Variants in KPNA4 observed in about 807,000 individuals in gnomAD.
KPNA4 encodes the protein karyopherin subunit alpha 4.
KPNA4 carries 13 observed loss-of-function variants against 71.3 expected under a neutral mutation model. The ratio of observed to expected loss-of-function variants is 0.18; its 90% CI spans 0.12 to 0.29. The LOEUF (loss-of-function observed/expected upper bound fraction) is 0.29, where lower values mean the gene tolerates loss of function less well. Ranked by LOEUF, KPNA4 falls within the 10% of genes least tolerant of loss-of-function variation. KPNA4 has a pLI of 1.00. For synonymous variants in KPNA4, 189 were observed against 195.2 expected (o/e 0.97, Z 0.26); for missense variants, 334 against 603.2 (o/e 0.55, Z 4.67).
rs1309247851 is a variant in KPNA4 at position 160,498,562 on chromosome 3, G to T, written c.*3542C>A. 1 of 152,260 alleles carries T rather than the reference G, an allele frequency of 6.6e-6. No homozygotes were observed. Among genetic ancestry groups the T allele is most frequent in the Non-Finnish European group, 1.5e-5 (1 of 68,076 alleles). 9.4% of individuals were successfully genotyped at this position (152,260 alleles called of 1,614,324 possible). On this transcript the variant is annotated 3_prime_UTR_variant, in exon 17 of 17. Transcript: ENST00000334256. ...TTGGCTTTGGGTTAATCAAAAGGGA[G>T]ATCACCCTGGTGGGTAGGTGGCCTG...
intron 13 of KPNA4, among the ~76,000 whole-genome samples, chr3:160,512,818 A>C (rs547646549): frequency 6.6e-6 from 1 of 151,950 alleles, no homozygotes; most frequent in African/African-American, 2.4e-5. Context: ...GGTGACAGCG[A>C]GACCGTCTAA....
At chr3:160,524,850 TA>T (rs939838518) in intron 10 of KPNA4, among the ~76,000 whole-genome samples, 55 of 152,238 alleles carry the variant, frequency 3.6e-4, no homozygotes, top group African/African-American at 1.3e-3. Context: ...AGTAAAATTC[TA>T]ATTTTAATTT....
At chr3:160,523,613 G>A (rs1420942720) in intron 10 of KPNA4, among the ~76,000 whole-genome samples, 1 of 152,082 alleles carries the variant, frequency 6.6e-6, no homozygotes, top group Non-Finnish European at 1.5e-5. Flanking sequence ...ACTTTGGGGG[G>A]CCAAGGTGGG....
chr3:160,554,233 A>AG (rs1381180441), intron 1 of KPNA4, among the ~76,000 whole-genome samples: 1 of 152,212 alleles, frequency 6.6e-6, no homozygotes, highest in Non-Finnish European at 1.5e-5. Flanking sequence ...CATACCATAT[A>AG]GTTCACCCAT....
intron 13 of KPNA4, among the ~76,000 whole-genome samples, chr3:160,513,494 G>C (rs1182306770): frequency 6.6e-6 from 1 of 151,822 alleles, no homozygotes; most frequent in African/African-American, 2.4e-5. Context: ...TGAACTCCTG[G>C]GCTCAAGTGA....
chr3:160,500,910 A>T lies in KPNA4; in HGVS notation c.*1194T>A, dbSNP rs998752838. 6.6e-6 allele frequency: 1 copy of T among 152,644 alleles called. No individual in the cohort carries two copies. Among genetic ancestry groups the T allele is most frequent in the Non-Finnish European group, 1.5e-5 (1 of 68,036 alleles). The allele number at this position is 152,644 out of a possible 1,614,324, so 9.5% of individuals were successfully genotyped here. Reference sequence around the variant, plus strand: ...ACATTTAAACACAGCACGGTATTCTACCACAACTGAAACTTTTTTCTTCTT... The same window carrying T: ...ACATTTAAACACAGCACGGTATTCTTCCACAACTGAAACTTTTTTCTTCTT... On this transcript the variant is annotated 3_prime_UTR_variant, in exon 17 of 17. Coordinates refer to ENST00000334256, the MANE Select transcript of KPNA4 (RefSeq NM_002268.5).
In KPNA4 at chr3:160,559,291, A is replaced by T. The variant is rs968243442; in HGVS notation, c.69+5923T>A. Among the ~76,000 whole-genome samples the T allele has an allele frequency of 2.6e-5, 4 of 152,180 alleles. No individual in the cohort carries two copies. In the East Asian group the frequency reaches 7.7e-4, roughly 29 times the overall value. On this transcript the variant is annotated intron_variant, in intron 1 of 16. Transcript: ENST00000334256. Reference sequence around the variant, plus strand: ...AGAGGCATGGTAAAAAAAGAAAAAAAAATTGAGCTTCCCAGAGAAAGTTAG... The same window carrying T: ...AGAGGCATGGTAAAAAAAGAAAAAATAATTGAGCTTCCCAGAGAAAGTTAG...
intron 1 of KPNA4, among the ~76,000 whole-genome samples, chr3:160,556,084 T>C (rs1328556261): frequency 6.6e-6 from 1 of 152,228 alleles, no homozygotes; most frequent in Non-Finnish European, 1.5e-5. Flanking sequence ...CGGCCCGCCT[T>C]GGCCTCCCAA....
intron 1 of KPNA4, among the ~76,000 whole-genome samples, chr3:160,540,285 C>G (rs1275423979): frequency 6.6e-6 from 1 of 152,120 alleles, no homozygotes; most frequent in African/African-American, 2.4e-5. Context: ...AAGCGTGAGC[C>G]ACCGCGCCTG....
At chr3:160,540,001 T>TTC (rs1293959203) in intron 1 of KPNA4, among the ~76,000 whole-genome samples, 1 of 147,902 alleles carries the variant, frequency 6.8e-6, no homozygotes, top group Non-Finnish European at 1.5e-5. Flanking sequence ...TTCTTTTCTT[T>TTC]TTTTTTTTTT....
intron 11 of KPNA4, among the ~76,000 whole-genome samples, chr3:160,517,876 C>T (rs1021979561): frequency 2.0e-5 from 3 of 152,192 alleles, no homozygotes; most frequent in African/African-American, 7.2e-5. Context: ...TTTGCCAATA[C>T]ATAATTTTCT....
chr3:160,551,944 G>C (rs561478525), intron 1 of KPNA4, among the ~76,000 whole-genome samples: 4 of 145,082 alleles, frequency 2.8e-5, no homozygotes, highest in South Asian at 2.4e-4. Context: ...ACAACTGGGG[G>C]GGGGGGGGTG....
At chr3:160,552,005 C>T (rs1722050810) in intron 1 of KPNA4, among the ~76,000 whole-genome samples, 2 of 149,018 alleles carry the variant, frequency 1.3e-5, no homozygotes, top group Admixed American at 1.4e-4. Flanking sequence ...GCTAAACATC[C>T]TACAGTGTAC....
chr3:160,552,133 A>G (rs1010884549), intron 1 of KPNA4, among the ~76,000 whole-genome samples: 3 of 152,180 alleles, frequency 2.0e-5, no homozygotes, highest in African/African-American at 7.2e-5. Flanking sequence ...TTAAGTTCAA[A>G]TATGTTTGGA....
chr3:160,534,275 A>G (rs1359192469), intron 5 of KPNA4, among the ~76,000 whole-genome samples: 3 of 152,210 alleles, frequency 2.0e-5, no homozygotes, highest in Non-Finnish European at 4.4e-5. Flanking sequence ...ATAGGGTGTT[A>G]TTCTTATATT....
chr3:160,561,551 TTAACA>T (rs1268443740), intron 1 of KPNA4, among the ~76,000 whole-genome samples: 35 of 152,034 alleles, frequency 2.3e-4, no homozygotes, highest in Admixed American at 1.9e-3. Flanking sequence ...TTCAAGAAAC[TTAACA>T]TGACCACATT....
intron 7 of KPNA4, 151 bp from the exon 8 acceptor site, chr3:160,528,190 A>G (rs1031803747): frequency 1.1e-5 from 6 of 527,510 alleles, no homozygotes; most frequent in South Asian, 5.0e-5. Context: ...TTGGAATAGC[A>G]TCATTGGAAG....
chr3:160,540,246 G>A (rs1211538766), intron 1 of KPNA4, among the ~76,000 whole-genome samples: 6 of 151,818 alleles, frequency 4.0e-5, no homozygotes, highest in African/African-American at 1.5e-4. Context: ...TGATCCACCC[G>A]CCTCGGCCTC....
At chr3:160,526,986 G>A (rs1472651791) in intron 8 of KPNA4, among the ~76,000 whole-genome samples, 2 of 152,060 alleles carry the variant, frequency 1.3e-5, no homozygotes, top group African/African-American at 4.8e-5. Context: ...TGTCAAGAAT[G>A]GTTTACAGAG....
Sources: gnomAD v4.1 joint callset for allele counts (sites outside exome capture counted in the v4.1 genomes callset) on GRCh38, gnomAD v4.1.1 for gene constraint, MANE v1.5 for transcripts, NCBI Gene and HGNC (gene_info 2026-07-23, HGNC 2026-07-21) for gene names.